The following MTA1 variants were observed in gnomAD, a reference collection of about 807,000 sequenced individuals.
The protein encoded by MTA1 is metastasis associated 1.
Under a neutral mutation model 97.0 loss-of-function variants are expected in MTA1, and 15 were observed. That is an observed-to-expected ratio of 0.15 (90% CI 0.10 to 0.24). The LOEUF (loss-of-function observed/expected upper bound fraction) is 0.24, where lower values mean the gene tolerates loss of function less well. MTA1 is among the 10% of genes least tolerant of loss of function. The pLI, the probability that MTA1 is intolerant of heterozygous loss-of-function variation, is 1.00. For missense variants in MTA1, 709 were observed against 1,015.1 expected (o/e 0.70, Z 4.10); for synonymous variants, 435 against 417.5 (o/e 1.04, Z -0.51).
rs782647645 is a variant in MTA1, at chr14:105,445,630, C to T, written c.190+119C>T. 16 of 1,009,212 alleles carry T rather than the reference C, an allele frequency of 1.6e-5. No homozygotes were observed. The South Asian group carries it at 2.2e-4, about 14-fold the overall frequency. The allele number at this position is 1,009,212 out of a possible 1,614,324, so 62.5% of individuals were successfully genotyped here. A position where few individuals can be genotyped will look rare whatever the true frequency, so the allele number is the denominator to read the frequency against. ...TGGCCTCGTGGGGCCACCCTCTGCCCAACTCACTCTGGCGTCTCTTTTTCT... is the reference window on the plus strand; with the variant it reads ...TGGCCTCGTGGGGCCACCCTCTGCCTAACTCACTCTGGCGTCTCTTTTTCT... On this transcript the variant is annotated intron_variant, in intron 3 of 20. Coordinates refer to ENST00000331320, the MANE Select transcript of MTA1 (RefSeq NM_004689.4).
Position 105,419,997 on chromosome 14 carries a change from G to C in MTA1, c.-39G>C. ...TTCCCGGCCGCCCGCGCCGAGCGCC[G>C]CGCCCGCCCCGGGCCCCTCCGCCGC... On this transcript the variant is annotated 5_prime_UTR_variant, in exon 1 of 21. Transcript: ENST00000331320. 1 of 997,212 alleles carries C rather than the reference G, an allele frequency of 1.0e-6. No individual in the cohort carries two copies. The highest frequency in any genetic ancestry group is 1.2e-6 in the Non-Finnish European group (1 of 842,394). The allele number at this position is 997,212 out of a possible 1,614,324, so 61.8% of individuals were successfully genotyped here. A position where few individuals can be genotyped will look rare whatever the true frequency, so the allele number is the denominator to read the frequency against.
chr14:105,457,968 A>C (rs2083214996), intron 7 of MTA1, among the ~76,000 whole-genome samples: 1 of 151,678 alleles, frequency 6.6e-6, no homozygotes, highest in Admixed American at 6.6e-5. Context: ...TAAATAAATA[A>C]AAAGGCTTGA....
At chr14:105,469,242 A>G in intron 18 of MTA1, 1 of 621,798 alleles carries the variant, frequency 1.6e-6, no homozygotes, top group South Asian at 1.8e-5. Context: ...CTGGAGCCCA[A>G]GCCAATGTGT....
intron 1 of MTA1, among the ~76,000 whole-genome samples, chr14:105,430,381 T>C (rs183810320): frequency 1.3e-5 from 2 of 152,176 alleles, no homozygotes; most frequent in Admixed American, 1.3e-4. Flanking sequence ...ACACACACAT[T>C]TATCAATTAA....
In MTA1 at chr14:105,466,434, C is replaced by T. The variant is rs782458390; in HGVS notation, c.1633C>T (p.Pro545Ser). 3 of 1,221,768 alleles carry T rather than the reference C, an allele frequency of 2.5e-6. No homozygotes were observed. Among genetic ancestry groups the T allele is most frequent in the East Asian group, 2.9e-5 (1 of 34,606 alleles). The allele number at this position is 1,221,768 out of a possible 1,614,324, so 75.7% of individuals were successfully genotyped here. Residue 545 changes from proline to serine, a missense_variant, in exon 17 of 21, where the codon CCC becomes TCC. By Grantham distance (74) the Pro-to-Ser change is moderately conservative. Coordinates refer to ENST00000331320, the MANE Select transcript of MTA1 (RefSeq NM_004689.4). The part of the protein sequence containing the change: ...EAVLRYLETH[P>S]RPPKPDPVKS... ...TGTGTCATTCCCGGCAGAGACCCAC[C>T]CCCGCCCCCCCAAGCCTGACCCCGT...
chr14:105,461,037 C>T (rs2083328888), intron 10 of MTA1, 84 bp downstream of exon 10: 1 of 1,403,092 alleles, frequency 7.1e-7, no homozygotes, highest in Non-Finnish European at 9.8e-7. Flanking sequence ...CCACATCCCA[C>T]TCTGCCCTGA....
At chr14:105,429,431 A>G (rs1365145288) in intron 1 of MTA1, among the ~76,000 whole-genome samples, 30 of 135,088 alleles carry the variant, frequency 2.2e-4, no homozygotes, top group African/African-American at 5.9e-4. Flanking sequence ...GACTACAGGC[A>G]CCCACCACCA....
At chr14:105,449,282 G>C (rs1238525998) in intron 3 of MTA1, 77 bp from the exon 4 acceptor site, 7 of 1,473,948 alleles carry the variant, frequency 4.7e-6, no homozygotes, top group Non-Finnish European at 5.5e-6. Context: ...CACAGCCCTC[G>C]GTCCGGGCCC....
intron 1 of MTA1, among the ~76,000 whole-genome samples, chr14:105,421,836 C>T (rs2081846903): frequency 1.3e-5 from 2 of 152,356 alleles, no homozygotes; most frequent in South Asian, 4.1e-4. Context: ...TGGGGCTGCG[C>T]CGCCCTCCCC....
Position 105,420,147 on chromosome 14 carries a change from C to A in MTA1, c.28+84C>A, listed in dbSNP as rs2141372051. The A allele has an allele frequency of 3.0e-6, 2 of 660,996 alleles. No individual in the cohort carries two copies. Among genetic ancestry groups the A allele is most frequent in the Non-Finnish European group, 1.9e-6 (1 of 531,568 alleles). 40.9% of individuals were successfully genotyped at this position (660,996 alleles called of 1,614,324 possible). A position where few individuals can be genotyped will look rare whatever the true frequency, so the allele number is the denominator to read the frequency against. On this transcript the variant is annotated intron_variant, in intron 1 of 20. Coordinates refer to ENST00000331320, the MANE Select transcript of MTA1 (RefSeq NM_004689.4). The surrounding 1 kb of genome is among the most constrained non-coding windows in gnomAD (Gnocchi z 5.3). ...CGCTGCCGCCTCCCCCGCCCCTCTG[C>A]CCCGCAGGCCCCGCGCCCCCCGCCC... is the stretch of plus-strand genomic sequence containing the variant.
In MTA1 at chr14:105,422,718, C is replaced by T. The variant is rs1409133208; in HGVS notation, c.28+2655C>T. ...CCGTATTTTAGCTGGCAGGCTACTC[C>T]GAGGCCCTGCCAGGTTGGGCTAGGC... is the stretch of plus-strand genomic sequence containing the variant. On this transcript the variant is annotated intron_variant, in intron 1 of 20. Transcript: ENST00000331320. The surrounding 1 kb of genome is among the most constrained non-coding windows in gnomAD (Gnocchi z 4.3). 1.5e-4 allele frequency among the ~76,000 whole-genome samples: 23 copies of T among 152,194 alleles called. No individual in the cohort carries two copies. The highest frequency in any genetic ancestry group is 5.5e-4 in the African/African-American group (23 of 41,460).
In MTA1 at chr14:105,463,124, T is replaced by C. The variant is rs2141671657; in HGVS notation, c.943-60T>C. On this transcript the variant is annotated intron_variant, in intron 10 of 20. Transcript: ENST00000331320. This position sits in a 1 kb window ranked among gnomAD's most constrained non-coding sequence, Gnocchi z 5.9. Reference sequence around the variant, plus strand: ...TTCTGGCCGCAGCCCTGCCCCTGCCTGCATGGTGTGCCTGCCTCCTGCCCC... The same window carrying C: ...TTCTGGCCGCAGCCCTGCCCCTGCCCGCATGGTGTGCCTGCCTCCTGCCCC... The C allele has an allele frequency of 6.5e-7, 1 of 1,540,194 alleles. No homozygotes were observed. Among genetic ancestry groups the C allele is most frequent in the Non-Finnish European group, 8.9e-7 (1 of 1,120,790 alleles).
chr14:105,460,520 C>T, intron 9 of MTA1, 63 bp downstream of exon 9: 1 of 1,471,074 alleles, frequency 6.8e-7, no homozygotes, highest in Non-Finnish European at 9.1e-7. Context: ...AGTGGCTGCG[C>T]CCTTCTTCCT....
intron 1 of MTA1, among the ~76,000 whole-genome samples, chr14:105,425,915 C>T (rs1019114035): frequency 1.3e-5 from 2 of 152,088 alleles, no homozygotes; most frequent in East Asian, 1.9e-4. Flanking sequence ...AGGCTGCTCC[C>T]GCCTGGGCCA....
rs1395495077 is a variant in MTA1, at chr14:105,462,340, G to C, written c.943-844G>C. Among the ~76,000 whole-genome samples the C allele has an allele frequency of 2.6e-5, 4 of 152,226 alleles. No homozygotes were observed. In the East Asian group the frequency reaches 7.7e-4, roughly 29 times the overall value. On this transcript the variant is annotated intron_variant, in intron 10 of 20. Coordinates refer to ENST00000331320, the MANE Select transcript of MTA1 (RefSeq NM_004689.4). ...AATCCTAGCACTTTGGGAGGCCGAG[G>C]CAGGAGGATCATGAGGTCAGGAGAT...
chr14:105,465,131 G>C lies in MTA1; in HGVS notation c.1572G>C (p.Leu524=), dbSNP rs1204013906. 2.6e-5 allele frequency: 39 copies of C among 1,524,702 alleles called. No individual in the cohort carries two copies. The highest frequency in any genetic ancestry group is 3.4e-5 in the Non-Finnish European group (38 of 1,131,958). 94.4% of individuals were successfully genotyped at this position (1,524,702 alleles called of 1,614,324 possible). ...ARLPEASQSP[L]VLKQAVRKPL... is the part of the protein sequence containing the mutation. ...TGCCCGAAGCCTCCCAGAGCCCGCTGGTGCTGAAGCAGGCGGTACGCAAGC... is the reference window on the plus strand; with the variant it reads ...TGCCCGAAGCCTCCCAGAGCCCGCTCGTGCTGAAGCAGGCGGTACGCAAGC... Residue 524 remains leucine (L), a synonymous_variant, in exon 16 of 21, where the codon CTG becomes CTC. Coordinates refer to ENST00000331320, the MANE Select transcript of MTA1 (RefSeq NM_004689.4).
In MTA1 at chr14:105,465,088, C is replaced by A. The variant is rs782504357; in HGVS notation, c.1535-6C>A. ...CCCACCCCTCACACCGTGTGGTACCCCGCAGGCACGGCGCGGCTGCCCGAA... is the reference window on the plus strand; with the variant it reads ...CCCACCCCTCACACCGTGTGGTACCACGCAGGCACGGCGCGGCTGCCCGAA... On this transcript the variant is annotated splice_region_variant and splice_polypyrimidine_tract_variant and intron_variant, in intron 15 of 20. Coordinates refer to ENST00000331320, the MANE Select transcript of MTA1 (RefSeq NM_004689.4). 99 of 1,508,722 alleles carry A rather than the reference C, an allele frequency of 6.6e-5. No individual in the cohort carries two copies. The highest frequency in any genetic ancestry group is 8.3e-5 in the Non-Finnish European group (93 of 1,123,138). The allele number at this position is 1,508,722 out of a possible 1,614,324, so 93.5% of individuals were successfully genotyped here.
intron 2 of MTA1, among the ~76,000 whole-genome samples, chr14:105,441,099 G>A (rs1216708595): frequency 1.3e-5 from 2 of 151,486 alleles, no homozygotes; most frequent in Non-Finnish European, 2.9e-5. Context: ...CTGGCAGCGC[G>A]GAAGGCCTGT....
chr14:105,443,080 T>C (rs2082597878), intron 2 of MTA1, among the ~76,000 whole-genome samples: 1 of 152,236 alleles, frequency 6.6e-6, no homozygotes, highest in Admixed American at 6.5e-5. Context: ...TGTGATCAGA[T>C]GTGGATGTAA....
Sources: allele counts gnomAD v4.1 joint callset (sites outside exome capture counted in the v4.1 genomes callset), GRCh38; gene constraint gnomAD v4.1.1; non-coding constraint Gnocchi (gnomAD v3.1); transcripts MANE v1.5; gene names NCBI Gene and HGNC (gene_info 2026-07-23, HGNC 2026-07-21).